Variants in GSTO1 observed in about 807,000 individuals in gnomAD.
GSTO1 encodes the protein glutathione S-transferase omega 1, also known as glutathione S-transferase omega-1.
A neutral mutation model predicts 23.8 loss-of-function variants in GSTO1; 27 were observed. The observed-to-expected ratio is 1.13, with a 90% CI of 0.83 to 1.56. The LOEUF (loss-of-function observed/expected upper bound fraction) is 1.56. Among genes scored for constraint, GSTO1 ranks in the 40% most tolerant of loss-of-function variants. The pLI is 0.00. For synonymous variants in GSTO1, 105 were observed against 109.3 expected (o/e 0.96, Z 0.25); for missense variants, 255 against 285.8 (o/e 0.89, Z 0.78).
chr10:104,258,713 G>T (rs542337792), intron 2 of GSTO1, among the ~76,000 whole-genome samples: 1 of 152,256 alleles, frequency 6.6e-6, no homozygotes, highest in African/African-American at 2.4e-5. Context: ...AATTAGCTGG[G>T]TGTGATGGTG....
At chr10:104,259,933 G>A (rs937416236) in intron 3 of GSTO1, 135 bp downstream of exon 3, 52 of 636,928 alleles carry the variant, frequency 8.2e-5, no homozygotes, top group Non-Finnish European at 1.1e-4. Context: ...TGAGTGTCCT[G>A]CAAGTCCTTT....
chr10:104,263,051 C>A lies in GSTO1; in HGVS notation c.439C>A (p.Arg147Ser), dbSNP rs777056461. ...EDYAGLKEEF[R>S]KEFTKLEEVL... ...CTATGCTGGCCTAAAAGAAGAATTT[C>A]GTAAAGAATTTACCAAGCTAGAGGA... is the stretch of plus-strand genomic sequence containing the variant. Residue 147 changes from arginine to serine, a missense_variant, in exon 4 of 6, where the codon CGT becomes AGT. Arg to Ser is a moderately radical substitution (Grantham distance 110, BLOSUM62 -1). Coordinates refer to ENST00000369713, the MANE Select transcript of GSTO1 (RefSeq NM_004832.3). The A allele has an allele frequency of 1.3e-6, 2 of 1,507,058 alleles. No individual in the cohort carries two copies. The highest frequency in any genetic ancestry group is 2.3e-5 in the South Asian group (2 of 88,170). 93.4% of individuals were successfully genotyped at this position (1,507,058 alleles called of 1,614,324 possible). A position where few individuals can be genotyped will look rare whatever the true frequency, so the allele number is the denominator to read the frequency against.
upstream of GSTO1, chr10:104,254,285 A>T (rs1387222877): frequency 6.5e-6 from 1 of 154,334 alleles, no homozygotes; most frequent in East Asian, 1.9e-4. Context: ...GATCTGTTTT[A>T]GAGTAAAGAT....
intron 4 of GSTO1, among the ~76,000 whole-genome samples, chr10:104,264,192 T>C (rs914043419): frequency 1.3e-5 from 2 of 152,212 alleles, no homozygotes; most frequent in Non-Finnish European, 2.9e-5. Context: ...TTAAAACATT[T>C]GAGCCTGGTG....
At position 104,255,007 on chromosome 10, in the gene GSTO1, C is replaced by T. The variant is rs747260046; in HGVS notation, c.34+45C>T. 6.0e-6 allele frequency: 5 copies of T among 837,594 alleles called. No homozygotes were observed. The East Asian group carries it at 1.2e-4, about 20-fold the overall frequency. The allele number at this position is 837,594 out of a possible 1,614,324, so 51.9% of individuals were successfully genotyped here. A position where few individuals can be genotyped will look rare whatever the true frequency, so the allele number is the denominator to read the frequency against. On this transcript the variant is annotated intron_variant, in intron 1 of 5. Transcript: ENST00000369713. ...AAGAGGGGGTGATCTCGGCGACCCC[C>T]GGCGGCATGTTCGAGGCTGCTCCGG...
Position 104,255,325 on chromosome 10 carries a change from C to A in GSTO1, c.143+54C>A, listed in dbSNP as rs1049095215. ...GAGCCGTCCGGGAGCCTGCTGCAGG[C>A]GGCGGGGTGGGGTGGGGTCTCAGCC... is the stretch of plus-strand genomic sequence containing the variant. On this transcript the variant is annotated intron_variant, in intron 2 of 5. Transcript: ENST00000369713. The A allele has an allele frequency of 3.3e-6, 4 of 1,222,050 alleles. No homozygotes were observed. The African/African-American group carries it at 5.9e-5, about 18-fold the overall frequency. The allele number at this position is 1,222,050 out of a possible 1,614,324, so 75.7% of individuals were successfully genotyped here.
chr10:104,262,964 T>C lies in GSTO1; in HGVS notation c.367-15T>C, dbSNP rs776480283. 1 of 1,145,190 alleles carries C rather than the reference T, an allele frequency of 8.7e-7. No homozygotes were observed. The highest frequency in any genetic ancestry group is 1.3e-5 in the South Asian group (1 of 77,858). 70.9% of individuals were successfully genotyped at this position (1,145,190 alleles called of 1,614,324 possible). A position where few individuals can be genotyped will look rare whatever the true frequency, so the allele number is the denominator to read the frequency against. ...AGCCATAAACTGATAAACTAAGAAA[T>C]TATTCTCTGTCTAGGTGCCATCCTT... On this transcript the variant is annotated splice_polypyrimidine_tract_variant and intron_variant, in intron 3 of 5. Transcript: ENST00000369713.
rs1365986317 is a variant in GSTO1 at position 104,255,076 on chromosome 10, G to A, written c.35-87G>A. 9 of 1,431,488 alleles carry A rather than the reference G, an allele frequency of 6.3e-6. No homozygotes were observed. In the East Asian group the frequency reaches 1.4e-4, roughly 22 times the overall value. 88.7% of individuals were successfully genotyped at this position (1,431,488 alleles called of 1,614,324 possible). A position where few individuals can be genotyped will look rare whatever the true frequency, so the allele number is the denominator to read the frequency against. On this transcript the variant is annotated intron_variant, in intron 1 of 5. Coordinates refer to ENST00000369713, the MANE Select transcript of GSTO1 (RefSeq NM_004832.3). ...GCGCCCCACCGGCGGGGAACGGGTC[G>A]GAGCTGCAGTGGGACGCGGGGGCGG...
chr10:104,255,554 T>TA (rs1220078750), intron 2 of GSTO1, among the ~76,000 whole-genome samples: 1 of 152,242 alleles, frequency 6.6e-6, no homozygotes, highest in Non-Finnish European at 1.5e-5. Flanking sequence ...TGCCCGGTAA[T>TA]AACCGGCAGC....
intron 2 of GSTO1, among the ~76,000 whole-genome samples, chr10:104,256,579 A>G (rs1468257618): frequency 6.6e-6 from 1 of 152,224 alleles, no homozygotes. Context: ...ACAAAGGTCT[A>G]CTACATTAAT....
intron 2 of GSTO1, among the ~76,000 whole-genome samples, chr10:104,259,012 G>T (rs567675204): frequency 7.9e-5 from 12 of 152,288 alleles, no homozygotes; most frequent in Admixed American, 6.5e-4. Flanking sequence ...TGTTAGCAAG[G>T]ATGTGTAGAA....
chr10:104,266,709 G>A (rs2011190615), intron 5 of GSTO1, among the ~76,000 whole-genome samples: 2 of 151,088 alleles, frequency 1.3e-5, no homozygotes, highest in African/African-American at 4.9e-5. Flanking sequence ...ACTCCAGCCT[G>A]GGCAAGAGCA....
At chr10:104,261,182 A>G (rs1460015140) in intron 3 of GSTO1, among the ~76,000 whole-genome samples, 1 of 152,198 alleles carries the variant, frequency 6.6e-6, no homozygotes, top group Non-Finnish European at 1.5e-5. Flanking sequence ...CGTCAGAGAA[A>G]ATGAGCTTTA....
intron 3 of GSTO1, among the ~76,000 whole-genome samples, chr10:104,260,467 A>G (rs2011129639): frequency 6.6e-6 from 1 of 152,224 alleles, no homozygotes; most frequent in African/African-American, 2.4e-5. Context: ...CATGGGAACT[A>G]CTTAATTCTT....
At chr10:104,259,089 A>G (rs2011115287) in intron 2 of GSTO1, among the ~76,000 whole-genome samples, 1 of 152,170 alleles carries the variant, frequency 6.6e-6, no homozygotes, top group South Asian at 2.1e-4. Context: ...AACAGTATAG[A>G]TGTTCTTCAA....
At chr10:104,255,101 G>A (rs2091595670) in intron 1 of GSTO1, 62 bp from the exon 2 acceptor site, 1 of 1,454,354 alleles carries the variant, frequency 6.9e-7, no homozygotes, top group Non-Finnish European at 9.6e-7. Context: ...CGCGGGGGCG[G>A]TGGGATACGG....
chr10:104,258,883 T>C (rs12264557), intron 2 of GSTO1, among the ~76,000 whole-genome samples: 11,231 of 152,062 alleles, frequency 0.074, 1,392 homozygotes, highest in African/African-American at 0.26. Context: ...TCAAAGAGGA[T>C]ATAAAAATGG....
Position 104,263,029 on chromosome 10 carries a change from T to C in GSTO1, c.417T>C (p.Tyr139=), listed in dbSNP as rs2135062340. The C allele has an allele frequency of 1.3e-6, 2 of 1,554,416 alleles. No homozygotes were observed. Among genetic ancestry groups the C allele is most frequent in the Non-Finnish European group, 1.8e-6 (2 of 1,126,832 alleles). The change falls in exon 4 of 6, where the codon TAT becomes TAC. Residue 139 remains tyrosine (Y), a synonymous_variant. Coordinates refer to ENST00000369713, the MANE Select transcript of GSTO1 (RefSeq NM_004832.3). The part of the protein sequence containing the change: ...SFIRSQNKED[Y]AGLKEEFRKE... ...TTAGAAGCCAAAATAAAGAAGACTA[T>C]GCTGGCCTAAAAGAAGAATTTCGTA...
In GSTO1 at chr10:104,265,766, C is replaced by T. The variant is rs561183606; in HGVS notation, c.466-318C>T. 1.4e-3 allele frequency among the ~76,000 whole-genome samples: 209 copies of T among 152,254 alleles called. 1 individual carries two copies. The highest frequency in any genetic ancestry group is 4.9e-3 in the African/African-American group (204 of 41,562). ...AGTCTTGCTCATTTTTCCAATGGGT[C>T]GTTTGCTATTTTTCTTACTGATTCC... On this transcript the variant is annotated intron_variant, in intron 4 of 5. Coordinates refer to ENST00000369713, the MANE Select transcript of GSTO1 (RefSeq NM_004832.3).
Sources: allele counts gnomAD v4.1 joint callset (sites outside exome capture counted in the v4.1 genomes callset), GRCh38; gene constraint gnomAD v4.1.1; transcripts MANE v1.5; gene names NCBI Gene and HGNC (gene_info 2026-07-23, HGNC 2026-07-21).